Variants in HDAC4 observed in about 807,000 individuals in gnomAD.
The protein encoded by HDAC4 is histone deacetylase A.
HDAC4 carries 16 observed loss-of-function variants against 135.1 expected under a neutral mutation model. The observed-to-expected ratio is 0.12, with a 90% confidence interval of 0.08 to 0.18. The LOEUF is 0.18. Ranked by LOEUF, HDAC4 falls within the 10% of genes least tolerant of loss-of-function variation. The pLI, the probability that HDAC4 is intolerant of heterozygous loss-of-function variation, is 1.00. For missense variants in HDAC4, 1,143 were observed against 1,511.8 expected (o/e 0.76, Z 4.05); for synonymous variants, 685 against 653.4 (o/e 1.05, Z -0.74).
At position 239,051,752 on chromosome 2, in the gene HDAC4, T is replaced by C. The variant is rs2030886052; in HGVS notation, c.*1345A>G. The stretch of plus-strand genomic sequence containing the variant: ...AGCCAATCTGGAGCTTGAGAAAACA[T>C]GAATTTCAATCAATCAGGATCCCTT... On this transcript the variant is annotated 3_prime_UTR_variant, in exon 27 of 27. Coordinates refer to ENST00000543185, the MANE Select transcript of HDAC4 (RefSeq NM_001378414.1). The C allele has an allele frequency of 6.6e-6, 1 of 152,486 alleles. No homozygotes were observed. The highest frequency in any genetic ancestry group is 2.1e-4 in the South Asian group (1 of 4,832). 9.4% of individuals were successfully genotyped at this position (152,486 alleles called of 1,614,324 possible).
At position 239,189,162 on chromosome 2, in the gene HDAC4, A is replaced by C. The variant is rs532204389; in HGVS notation, c.339+671T>G. Among the ~76,000 whole-genome samples, 3 of 152,356 alleles carry C rather than the reference A, an allele frequency of 2.0e-5. No individual in the cohort carries two copies. In the South Asian group the frequency reaches 6.2e-4, roughly 32 times the overall value. ...TTACTGGTGGAATTTTAATATACTC[A>C]TGTATATTTCTATTAGACGGTGTTG... is the stretch of plus-strand genomic sequence containing the variant. On this transcript the variant is annotated intron_variant, in intron 4 of 26. Coordinates refer to ENST00000543185, the MANE Select transcript of HDAC4 (RefSeq NM_001378414.1).
chr2:239,374,013 G>A (rs1290037966), intron 1 of HDAC4, among the ~76,000 whole-genome samples: 2 of 152,166 alleles, frequency 1.3e-5, no homozygotes, highest in Non-Finnish European at 2.9e-5. Context: ...GAAAAAGAAT[G>A]ACCAAGGTAC....
At chr2:239,186,449 G>A (rs780878413) in intron 4 of HDAC4, 6 of 152,322 alleles carry the variant, frequency 3.9e-5, no homozygotes, top group African/African-American at 1.2e-4. Context: ...AAACCACTAT[G>A]TAGTTCAAAT....
At chr2:239,393,252 G>A (rs1464580943) in intron 1 of HDAC4, among the ~76,000 whole-genome samples, 2 of 152,208 alleles carry the variant, frequency 1.3e-5, no homozygotes, top group South Asian at 4.1e-4. Context: ...CCACCTGGAG[G>A]CCTCCTTGGG....
chr2:239,144,603 T>C lies in HDAC4; in HGVS notation c.845A>G (p.Lys282Arg). ...CATACCTGTGACATCCAACGGACGC[T>C]TTTTTAGAGCAGTGACCACTGGCCC... ...KDGPVVTALK[K>R]RPLDVTDSAC... The change falls in exon 8 of 27, where the codon AAG becomes AGG. Residue 282 changes from lysine (K) to arginine (R), a missense_variant. By Grantham distance (26) the Lys-to-Arg change is conservative. This residue lies in a region of HDAC4 where 272 missense variants were observed against 309.7 expected (regional missense o/e 0.88). Coordinates refer to ENST00000543185, the MANE Select transcript of HDAC4 (RefSeq NM_001378414.1). 1 of 1,614,060 alleles carries C rather than the reference T, an allele frequency of 6.2e-7. No homozygotes were observed. Among genetic ancestry groups the C allele is most frequent in the Non-Finnish European group, 8.5e-7 (1 of 1,180,026 alleles).
At position 239,174,649 on chromosome 2, in the gene HDAC4, G is replaced by A. The variant is rs548382994; in HGVS notation, c.490+1764C>T. 4.3e-4 allele frequency among the ~76,000 whole-genome samples: 66 copies of A among 152,282 alleles called. 2 individuals carry two copies. Among genetic ancestry groups the A allele is most frequent in the Middle Eastern group, 6.8e-3 (2 of 294 alleles). ...AGTTCAACAACTCCACTTCACATTT[G>A]CCCACATGTACCAAGAAACATGTAC... On this transcript the variant is annotated intron_variant, in intron 5 of 26. Transcript: ENST00000543185.
chr2:239,156,564 G>C, intron 7 of HDAC4, 88 bp downstream of exon 7: 1 of 1,523,332 alleles, frequency 6.6e-7, no homozygotes, highest in Non-Finnish European at 9.1e-7. Context: ...TCTCTAAGTG[G>C]AAGACAGCGG....
chr2:239,296,733 C>A (rs1297676075), intron 2 of HDAC4, among the ~76,000 whole-genome samples: 1 of 152,098 alleles, frequency 6.6e-6, no homozygotes, highest in African/African-American at 2.4e-5. Context: ...TGTCGGGCCC[C>A]GGAGCTGTGC....
intron 9 of HDAC4, among the ~76,000 whole-genome samples, chr2:239,135,463 AG>A (rs949837616): frequency 3.4e-4 from 52 of 152,348 alleles, no homozygotes; most frequent in African/African-American, 1.3e-3. Flanking sequence ...TCATCAAAAA[AG>A]GTATTCTGAA....
chr2:239,275,328 G>C (rs560511803), intron 2 of HDAC4, among the ~76,000 whole-genome samples: 1 of 152,352 alleles, frequency 6.6e-6, no homozygotes, highest in African/African-American at 2.4e-5. Context: ...TTTGATTGAC[G>C]CAAATCAAGA....
chr2:239,056,985 C>T (rs576491026), intron 24 of HDAC4, among the ~76,000 whole-genome samples: 46 of 152,282 alleles, frequency 3.0e-4, no homozygotes, highest in African/African-American at 5.5e-4. Context: ...AAAAAAGACA[C>T]GAAATGACTA....
chr2:239,077,430 C>G (rs1186989386), intron 22 of HDAC4, among the ~76,000 whole-genome samples: 1 of 152,270 alleles, frequency 6.6e-6, no homozygotes, highest in South Asian at 2.1e-4. Flanking sequence ...TCCTCCCAGT[C>G]CCCCGCTATC....
intron 1 of HDAC4, among the ~76,000 whole-genome samples, chr2:239,362,656 A>C (rs755346113): frequency 1.6e-4 from 25 of 152,124 alleles, no homozygotes; most frequent in Non-Finnish European, 3.2e-4. Context: ...GAGAACCCAG[A>C]GTCACACAAA....
intron 2 of HDAC4, among the ~76,000 whole-genome samples, chr2:239,288,374 C>G (rs2051257165): frequency 2.0e-5 from 3 of 152,146 alleles, no homozygotes; most frequent in Non-Finnish European, 4.4e-5. Flanking sequence ...TGTTAAAAAT[C>G]TTCTCTTTAA....
At chr2:239,208,784 C>T (rs565037516) in intron 3 of HDAC4, among the ~76,000 whole-genome samples, 85 of 152,022 alleles carry the variant, frequency 5.6e-4, no homozygotes, top group African/African-American at 2.0e-3. Flanking sequence ...AAGCAGAAAA[C>T]CTAACATAAG....
At chr2:239,102,597 C>T (rs1348719961) in intron 16 of HDAC4, 179 bp downstream of exon 16, 10 of 657,806 alleles carry the variant, frequency 1.5e-5, no homozygotes, top group Admixed American at 2.7e-5. Flanking sequence ...CTACCTGGCA[C>T]GTTCATCAAC....
intron 1 of HDAC4, among the ~76,000 whole-genome samples, chr2:239,366,773 G>A (rs959394412): frequency 6.6e-6 from 1 of 150,906 alleles, no homozygotes; most frequent in African/African-American, 2.5e-5. Context: ...TGGGGTCCCA[G>A]GCAGATGGCT....
At position 239,049,920 on chromosome 2, in the gene HDAC4, A is replaced by G. The variant is rs1358145608; in HGVS notation, c.*3177T>C. The stretch of plus-strand genomic sequence containing the variant: ...TCATCAGGGTTTCCCTCAAAGGGAT[A>G]TAAAGTGCTCGCTTGCTGACTCCCA... On this transcript the variant is annotated 3_prime_UTR_variant, in exon 27 of 27. Coordinates refer to ENST00000543185, the MANE Select transcript of HDAC4 (RefSeq NM_001378414.1). 1 of 152,680 alleles carries G rather than the reference A, an allele frequency of 6.5e-6. No homozygotes were observed. Among genetic ancestry groups the G allele is most frequent in the Middle Eastern group, 3.2e-3 (1 of 316 alleles). The allele number at this position is 152,680 out of a possible 1,614,324, so 9.5% of individuals were successfully genotyped here.
intron 4 of HDAC4, among the ~76,000 whole-genome samples, chr2:239,181,203 G>A (rs2044129242): frequency 6.6e-6 from 1 of 152,210 alleles, no homozygotes; most frequent in African/African-American, 2.4e-5. Flanking sequence ...AAGGGGGGTG[G>A]GACTCAATTC....
Sources: gnomAD v4.1 joint callset for allele counts (sites outside exome capture counted in the v4.1 genomes callset) on GRCh38, gnomAD v4.1.1 for gene constraint, gnomAD v4.1.1 regional missense constraint, MANE v1.5 for transcripts, NCBI Gene and HGNC (gene_info 2026-07-23, HGNC 2026-07-21) for gene names.